Variants in NEMF observed in about 807,000 individuals in gnomAD.
NEMF encodes the protein ribosome quality control complex subunit NEMF.
In NEMF, 89 loss-of-function variants were observed where a neutral mutation model predicts 162.2. The ratio of observed to expected loss-of-function variants is 0.55; its 90% confidence interval spans 0.46 to 0.65. NEMF has a LOEUF of 0.65. Among genes scored for constraint, NEMF ranks in the 30% least tolerant of loss-of-function variants. The probability of loss-of-function intolerance (pLI) is 0.00; values close to 1 mark genes in which losing one functional copy is unlikely to be tolerated. For missense variants in NEMF, 1,133 were observed against 1,261.9 expected, an observed-to-expected ratio of 0.90 and a Z score of 1.55; for synonymous variants, 421 against 404.5, an observed-to-expected ratio of 1.04 and a Z score of -0.49.
chr14:49,832,776 T>C (rs1189818986), intron 8 of NEMF, among the ~76,000 whole-genome samples: 1 of 152,160 alleles, frequency 6.6e-6, no homozygotes, highest in Non-Finnish European at 1.5e-5. Flanking sequence ...ATTCAAAAAA[T>C]ATTTAATGGT....
At chr14:49,841,193 T>C (rs1247233000) in intron 4 of NEMF, among the ~76,000 whole-genome samples, 2 of 52,866 alleles carry the variant, frequency 3.8e-5, no homozygotes, top group African/African-American at 1.9e-4. Flanking sequence ...GCAAACTCTG[T>C]CTCAAAAAAA....
chr14:49,813,836 T>A, intron 18 of NEMF, 152 bp downstream of exon 18: 1 of 576,764 alleles, frequency 1.7e-6, no homozygotes, highest in Non-Finnish European at 3.2e-6. Flanking sequence ...ACTCCTGGCC[T>A]CAAATAATCC....
intron 3 of NEMF, among the ~76,000 whole-genome samples, chr14:49,847,201 T>G (rs1369154721): frequency 6.6e-6 from 1 of 151,086 alleles, no homozygotes; most frequent in Non-Finnish European, 1.5e-5. Context: ...ACTTATTTAT[T>G]TATTTATTTA....
Position 49,828,344 on chromosome 14 carries a change from G to C in NEMF, c.1435C>G (p.His479Asp). 6.3e-7 allele frequency: 1 copy of C among 1,580,690 alleles called. No individual in the cohort carries two copies. Among genetic ancestry groups the C allele is most frequent in the Non-Finnish European group, 8.6e-7 (1 of 1,156,276 alleles). ...AYANAKKYYD[H>D]KRYAAKKTQK... ...GTTTTCTTAGCAGCATATCTCTTGT[G>C]ATCATAATACCTAGAAAAACATATT... Residue 479 changes from histidine to aspartate, a missense_variant, in exon 15 of 33, where the codon CAC becomes GAC. Coordinates refer to ENST00000298310, the MANE Select transcript of NEMF (RefSeq NM_004713.6).
chr14:49,834,743 A>G (rs1594791284), intron 6 of NEMF, among the ~76,000 whole-genome samples: 1 of 152,118 alleles, frequency 6.6e-6, no homozygotes, highest in African/African-American at 2.4e-5. Context: ...TCAACCTCCA[A>G]AAGTGCTCAG....
intron 20 of NEMF, 94 bp downstream of exon 20, chr14:49,803,143 T>C (rs778004000): frequency 6.4e-6 from 6 of 944,728 alleles, no homozygotes; most frequent in Non-Finnish European, 9.8e-6. Flanking sequence ...TCCGAGTAAT[T>C]TGTTTTTGTT....
intron 5 of NEMF, chr14:49,839,879 G>C (rs149294223): frequency 5.9e-5 from 9 of 152,220 alleles, no homozygotes; most frequent in African/African-American, 1.7e-4. Context: ...AAAGACATTG[G>C]CTGGGCCCGG....
intron 25 of NEMF, among the ~76,000 whole-genome samples, chr14:49,797,872 C>T (rs1186025285): frequency 6.6e-6 from 1 of 152,184 alleles, no homozygotes; most frequent in Non-Finnish European, 1.5e-5. Flanking sequence ...TGATTCCTGG[C>T]CACGGCTACC....
intron 16 of NEMF, among the ~76,000 whole-genome samples, chr14:49,817,366 G>T (rs1891766658): frequency 1.3e-5 from 2 of 152,128 alleles, no homozygotes; most frequent in Admixed American, 6.6e-5. Context: ...CTTGAACCCA[G>T]GAGGCAGAAG....
chr14:49,835,218 CAAA>C (rs55826615), intron 6 of NEMF, among the ~76,000 whole-genome samples: 3 of 132,926 alleles, frequency 2.3e-5, no homozygotes, highest in Non-Finnish European at 1.6e-5. Context: ...ACCCCGCAAC[CAAA>C]AAAAAAAAAA....
intron 7 of NEMF, among the ~76,000 whole-genome samples, chr14:49,833,701 T>C (rs754070830): frequency 6.6e-5 from 10 of 152,236 alleles, no homozygotes; most frequent in Non-Finnish European, 1.3e-4. Context: ...GTAGCTTTTA[T>C]TGAATCATCC....
At chr14:49,804,899 A>G (rs989614510) in intron 19 of NEMF, among the ~76,000 whole-genome samples, 1 of 151,204 alleles carries the variant, frequency 6.6e-6, no homozygotes, top group Admixed American at 6.6e-5. Flanking sequence ...GTATGGTGGG[A>G]CACTCCTGTA....
intron 18 of NEMF, among the ~76,000 whole-genome samples, chr14:49,810,722 G>A (rs1286178409): frequency 6.6e-6 from 1 of 152,202 alleles, no homozygotes; most frequent in African/African-American, 2.4e-5. Context: ...CAGGGGCAGT[G>A]GCTCATGCCT....
chr14:49,842,518 A>C (rs1471268444), intron 4 of NEMF, among the ~76,000 whole-genome samples: 8 of 152,250 alleles, frequency 5.3e-5, no homozygotes, highest in Non-Finnish European at 7.3e-5. Context: ...TACAGGTATA[A>C]TTAAAATACA....
At chr14:49,800,733 A>G (rs1326274289) in intron 22 of NEMF, 37 bp from the exon 23 acceptor site, 2 of 1,576,668 alleles carry the variant, frequency 1.3e-6, no homozygotes, top group African/African-American at 2.7e-5. Context: ...GTGTGGGACT[A>G]CCAACCAAGC....
At chr14:49,818,049 T>C (rs920277064) in intron 16 of NEMF, among the ~76,000 whole-genome samples, 1 of 150,888 alleles carries the variant, frequency 6.6e-6, no homozygotes, top group Non-Finnish European at 1.5e-5. Context: ...CAACCAAATT[T>C]TGAAAGCTGG....
chr14:49,834,396 T>C lies in NEMF; in HGVS notation c.628A>G (p.Asn210Asp). Residue 210 changes from asparagine (N) to aspartate (D), a missense_variant, in exon 7 of 33, where the codon AAT becomes GAT. Coordinates refer to ENST00000298310, the MANE Select transcript of NEMF (RefSeq NM_004713.6). ...HCLLENGFSG[N>D]VKVDEKLETK... The stretch of plus-strand genomic sequence containing the variant: ...TCAAGTTTTTCATCCACTTTGACAT[T>C]ACCCGAGAATCCATTTTCTAAAAGA... The C allele has an allele frequency of 4.4e-6, 7 of 1,608,516 alleles. No individual in the cohort carries two copies. Among genetic ancestry groups the C allele is most frequent in the Non-Finnish European group, 6.0e-6 (7 of 1,174,844 alleles).
At chr14:49,825,240 T>C (rs1327093150) in intron 16 of NEMF, among the ~76,000 whole-genome samples, 1 of 152,212 alleles carries the variant, frequency 6.6e-6, no homozygotes, top group Non-Finnish European at 1.5e-5. Context: ...ATGCTGTAAC[T>C]GTGTGTGTAT....
At chr14:49,800,349 T>G in intron 23 of NEMF, 71 bp downstream of exon 23, 1 of 1,139,000 alleles carries the variant, frequency 8.8e-7, no homozygotes. Context: ...CTTGGTATTA[T>G]CTTTGTAAGG....
Sources: gnomAD v4.1 joint callset for allele counts (sites outside exome capture counted in the v4.1 genomes callset) on GRCh38, gnomAD v4.1.1 for gene constraint, MANE v1.5 for transcripts, NCBI Gene and HGNC (gene_info 2026-07-23, HGNC 2026-07-21) for gene names.